The following SNTG1 variants were observed in gnomAD, a reference collection of about 807,000 sequenced individuals.
SNTG1 encodes the protein syntrophin gamma 1.
A neutral mutation model predicts 74.7 loss-of-function variants in SNTG1; 39 were observed. The observed-to-expected ratio is 0.52, with a 90% confidence interval of 0.40 to 0.68. SNTG1 has a LOEUF of 0.68. Ranked by LOEUF, SNTG1 falls within the 30% of genes least tolerant of loss-of-function variation. SNTG1 has a pLI of 0.00. For missense variants in SNTG1, 685 were observed against 609.5 expected, an observed-to-expected ratio of 1.12 and a Z score of -1.30; for synonymous variants, 254 against 217.1, an observed-to-expected ratio of 1.17 and a Z score of -1.49.
At chr8:50,399,057 G>C (rs2092766786) in intron 3 of SNTG1, among the ~76,000 whole-genome samples, 1 of 152,112 alleles carries the variant, frequency 6.6e-6, no homozygotes, top group South Asian at 2.1e-4. Context: ...TAAATGTGTG[G>C]GATTTTAAAT....
chr8:50,633,355 G>A (rs1392887303), intron 13 of SNTG1, among the ~76,000 whole-genome samples: 1 of 152,088 alleles, frequency 6.6e-6, no homozygotes, highest in Non-Finnish European at 1.5e-5. Flanking sequence ...CAGACAACAG[G>A]TACATTTATG....
In SNTG1 at chr8:50,629,169, C is replaced by A. The variant is rs114888848; in HGVS notation, c.850-27740C>A. On this transcript the variant is annotated intron_variant, in intron 13 of 18. Transcript: ENST00000642720. ...TGCACAGCATGAGGACTATACTTAA[C>A]AATACCGTGTTGCTCACTTGTGGTA... Among the ~76,000 whole-genome samples, 803 of 152,266 alleles carry A rather than the reference C, an allele frequency of 5.3e-3. 4 individuals are homozygous for A. The highest frequency in any genetic ancestry group is 0.019 in the African/African-American group (773 of 41,570).
intron 1 of SNTG1, among the ~76,000 whole-genome samples, chr8:50,128,802 A>G (rs1338938845): frequency 6.6e-6 from 1 of 152,168 alleles, no homozygotes; most frequent in Non-Finnish European, 1.5e-5. Flanking sequence ...TGAATAGAAA[A>G]TTATCTATAT....
Position 50,760,468 on chromosome 8 carries a change from T to G in SNTG1, c.1395+8357T>G, listed in dbSNP as rs559424911. Among the ~76,000 whole-genome samples the G allele has an allele frequency of 2.1e-4, 32 of 152,016 alleles. No individual in the cohort carries two copies. The East Asian group carries it at 4.5e-3, about 21-fold the overall frequency. Reference sequence around the variant, plus strand: ...TTTTGCCCATTTAGTATGATATTGGTTGTGGGTTTGTCATAAATAGCTCTT... The same window carrying G: ...TTTTGCCCATTTAGTATGATATTGGGTGTGGGTTTGTCATAAATAGCTCTT... On this transcript the variant is annotated intron_variant, in intron 18 of 18. Transcript: ENST00000642720.
At chr8:50,475,188 T>A in intron 8 of SNTG1, among the ~76,000 whole-genome samples, 1 of 151,594 alleles carries the variant, frequency 6.6e-6, no homozygotes, top group Non-Finnish European at 1.5e-5. Flanking sequence ...GTAACAAACC[T>A]GCACGTTGTG....
At chr8:50,236,342 C>G (rs557826290) in intron 2 of SNTG1, among the ~76,000 whole-genome samples, 1 of 152,096 alleles carries the variant, frequency 6.6e-6, no homozygotes, top group African/African-American at 2.4e-5. Context: ...TGACTAAGTT[C>G]TTAAACCTTC....
chr8:50,153,725 C>T (rs189552639), intron 1 of SNTG1, among the ~76,000 whole-genome samples: 220 of 152,296 alleles, frequency 1.4e-3, no homozygotes, highest in African/African-American at 4.8e-3. Context: ...GCGAATATTG[C>T]TGAACAGCAA....
intron 1 of SNTG1, among the ~76,000 whole-genome samples, chr8:49,990,728 G>A (rs1046775791): frequency 6.6e-6 from 1 of 152,142 alleles, no homozygotes; most frequent in African/African-American, 2.4e-5. Context: ...TTGTAAATAA[G>A]CAGTGCCAAG....
At chr8:50,033,183 G>A (rs1430062506) in intron 1 of SNTG1, among the ~76,000 whole-genome samples, 1 of 151,724 alleles carries the variant, frequency 6.6e-6, no homozygotes, top group Non-Finnish European at 1.5e-5. Flanking sequence ...TGGTGCAATG[G>A]CACTATGTCA....
At chr8:50,732,803 T>A (rs978216314) in intron 17 of SNTG1, among the ~76,000 whole-genome samples, 18 of 152,070 alleles carry the variant, frequency 1.2e-4, no homozygotes. Flanking sequence ...AAAAACAGTC[T>A]CTGTAATATT....
chr8:50,454,702 C>T (rs28410655), intron 8 of SNTG1, among the ~76,000 whole-genome samples: 72 of 151,152 alleles, frequency 4.8e-4, no homozygotes, highest in South Asian at 1.7e-3. Flanking sequence ...ATTAGTCAGG[C>T]GTGGTGGCGC....
intron 18 of SNTG1, among the ~76,000 whole-genome samples, chr8:50,766,510 A>T (rs1466882767): frequency 6.6e-6 from 1 of 151,968 alleles, no homozygotes; most frequent in African/African-American, 2.4e-5. Context: ...ATGTTTGAGT[A>T]TTTAAGATTT....
chr8:50,125,851 A>G (rs2081121957), intron 1 of SNTG1, among the ~76,000 whole-genome samples: 1 of 152,178 alleles, frequency 6.6e-6, no homozygotes, highest in Admixed American at 6.6e-5. Context: ...CCCATCATAC[A>G]GTGTGCTCAG....
At chr8:50,022,459 T>A (rs1816911586) in intron 1 of SNTG1, among the ~76,000 whole-genome samples, 1 of 152,180 alleles carries the variant, frequency 6.6e-6, no homozygotes, top group Admixed American at 6.6e-5. Flanking sequence ...TGCTATCTAA[T>A]CCTGGGATTC....
chr8:50,441,142 T>G (rs1389434299), intron 5 of SNTG1, among the ~76,000 whole-genome samples: 1 of 152,026 alleles, frequency 6.6e-6, no homozygotes, highest in African/African-American at 2.4e-5. Flanking sequence ...CTGAGTCCAT[T>G]GTTTTGTTGA....
rs1809909451 is a variant in SNTG1, at chr8:49,953,525, A to G, written c.-103+41294A>G. Among the ~76,000 whole-genome samples the G allele has an allele frequency of 2.0e-5, 3 of 152,330 alleles. No individual in the cohort carries two copies. The South Asian group carries it at 6.2e-4, about 32-fold the overall frequency. ...GCTGGGGAGTCATCTGAAGATGCCC[A>G]CAGAAGGTGCCTGGCACAGAGAGTA... On this transcript the variant is annotated intron_variant, in intron 1 of 18. Transcript: ENST00000642720.
intron 1 of SNTG1, among the ~76,000 whole-genome samples, chr8:49,996,515 G>C (rs555154394): frequency 1.2e-3 from 187 of 151,880 alleles, no homozygotes; most frequent in African/African-American, 4.4e-3. Context: ...GAAATATTTT[G>C]TCACCATAAA....
chr8:50,478,288 C>G (rs891438759), intron 8 of SNTG1, among the ~76,000 whole-genome samples: 5 of 152,120 alleles, frequency 3.3e-5, no homozygotes, highest in African/African-American at 1.2e-4. Context: ...ATTATTTGGA[C>G]TTTAAGTCAT....
chr8:50,722,162 ACG>A (rs1215275235), intron 17 of SNTG1, among the ~76,000 whole-genome samples: 7 of 151,958 alleles, frequency 4.6e-5, no homozygotes, highest in East Asian at 1.9e-4. Flanking sequence ...ATATATATAT[ACG>A]TATATGTGTG....
Sources: gnomAD v4.1 joint callset for allele counts (sites outside exome capture counted in the v4.1 genomes callset) on GRCh38, gnomAD v4.1.1 for gene constraint, MANE v1.5 for transcripts, NCBI Gene and HGNC (gene_info 2026-07-23, HGNC 2026-07-21) for gene names.